KCNIP1: variants seen among roughly 807,000 people sequenced by gnomAD.
KCNIP1 encodes potassium voltage-gated channel interacting protein 1, also known as A-type potassium channel modulatory protein KCNIP1.
Under a neutral mutation model 33.0 loss-of-function variants are expected in KCNIP1, and 18 were observed. The ratio of observed to expected loss-of-function variants is 0.55; its 90% CI spans 0.38 to 0.81. The LOEUF (loss-of-function observed/expected upper bound fraction) is 0.81, where lower values mean the gene tolerates loss of function less well. Among genes scored for constraint, KCNIP1 ranks in the 30% least tolerant of loss-of-function variants. The pLI is 0.00. For missense variants in KCNIP1, 238 were observed against 271.6 expected (o/e 0.88, Z 0.87); for synonymous variants, 93 against 98.3 (o/e 0.95, Z 0.32).
At chr5:170,385,077 A>T (rs774394373) in intron 1 of KCNIP1, among the ~76,000 whole-genome samples, 1 of 152,118 alleles carries the variant, frequency 6.6e-6, no homozygotes, top group Non-Finnish European at 1.5e-5. Flanking sequence ...GTCTGTTACC[A>T]CCACGTCCTA....
chr5:170,393,137 C>T (rs1327706757), intron 1 of KCNIP1, among the ~76,000 whole-genome samples: 2 of 152,156 alleles, frequency 1.3e-5, no homozygotes, highest in African/African-American at 4.8e-5. Flanking sequence ...ACTCCACAGC[C>T]CGTCCCTGCC....
chr5:170,716,363 T>A (rs1238031244), intron 1 of KCNIP1, among the ~76,000 whole-genome samples: 4 of 152,344 alleles, frequency 2.6e-5, no homozygotes, highest in Middle Eastern at 6.8e-3. Context: ...GGTTGTGATT[T>A]AAATTACAAT....
chr5:170,413,115 G>T (rs536855379), intron 1 of KCNIP1, among the ~76,000 whole-genome samples: 16 of 152,340 alleles, frequency 1.1e-4, no homozygotes, highest in African/African-American at 3.8e-4. Flanking sequence ...AAGGAATGAT[G>T]GTGGGTAAAT....
intron 1 of KCNIP1, among the ~76,000 whole-genome samples, chr5:170,439,489 C>CG (rs11431460): frequency 0.38 from 56,512 of 149,404 alleles, 10,817 homozygotes; most frequent in Middle Eastern, 0.41. Flanking sequence ...GGGACGGGGG[C>CG]GGGGGGGTGC....
At chr5:170,529,605 A>C (rs1453678180) in intron 1 of KCNIP1, among the ~76,000 whole-genome samples, 1 of 152,172 alleles carries the variant, frequency 6.6e-6, no homozygotes, top group Non-Finnish European at 1.5e-5. Flanking sequence ...AGCCTGAAGG[A>C]TTATGAGGAG....
intron 1 of KCNIP1, among the ~76,000 whole-genome samples, chr5:170,599,462 C>A (rs898663340): frequency 3.3e-5 from 5 of 152,162 alleles, no homozygotes; most frequent in African/African-American, 1.2e-4. Flanking sequence ...ACCCTTCAGA[C>A]TTACATACCC....
intron 1 of KCNIP1, among the ~76,000 whole-genome samples, chr5:170,666,306 G>A (rs1761699395): frequency 6.6e-6 from 1 of 152,090 alleles, no homozygotes; most frequent in Non-Finnish European, 1.5e-5. Flanking sequence ...GTCATTGAGG[G>A]GTTTGGGTTT....
intron 1 of KCNIP1, among the ~76,000 whole-genome samples, chr5:170,569,407 T>G (rs1757318935): frequency 6.6e-6 from 1 of 152,274 alleles, no homozygotes; most frequent in Non-Finnish European, 1.5e-5. Context: ...GACCTCACTC[T>G]GGGCAGGCCC....
chr5:170,388,247 G>A (rs957770962), intron 1 of KCNIP1, among the ~76,000 whole-genome samples: 5 of 152,204 alleles, frequency 3.3e-5, no homozygotes, highest in Admixed American at 6.5e-5. Context: ...TGCCTGCACT[G>A]AGTGAGTTTA....
chr5:170,536,647 C>T (rs976323828), intron 1 of KCNIP1, among the ~76,000 whole-genome samples: 3 of 152,160 alleles, frequency 2.0e-5, no homozygotes, highest in Admixed American at 6.5e-5. Context: ...CCCACTCTGC[C>T]CCCACACACC....
At chr5:170,729,134 T>C (rs17650638) in intron 5 of KCNIP1, among the ~76,000 whole-genome samples, 43,809 of 151,878 alleles carry the variant, frequency 0.29, 7,779 homozygotes, top group Non-Finnish European at 0.4. Context: ...ACTATAGATA[T>C]GTACAGTTGC....
chr5:170,496,154 C>T lies in KCNIP1; in HGVS notation c.88+142190C>T, dbSNP rs138414960. Reference sequence around the variant, plus strand: ...AGGAGCCGAAGAGGGAAAGACCCTGCGTGCACCCTGGCAGGCTGATAATCA... The same window carrying T: ...AGGAGCCGAAGAGGGAAAGACCCTGTGTGCACCCTGGCAGGCTGATAATCA... On this transcript the variant is annotated intron_variant, in intron 1 of 7. Coordinates refer to the KCNIP1 transcript ENST00000377360. Among the ~76,000 whole-genome samples the T allele has an allele frequency of 1.6e-4, 24 of 152,332 alleles. No individual in the cohort carries two copies. The East Asian group carries it at 3.7e-3, about 23-fold the overall frequency.
chr5:170,434,753 G>A (rs1288430708), intron 1 of KCNIP1, among the ~76,000 whole-genome samples: 2 of 152,154 alleles, frequency 1.3e-5, no homozygotes, highest in Admixed American at 1.3e-4. Flanking sequence ...TCAGGAGTTT[G>A]AGACCAGCCT....
chr5:170,531,470 G>C (rs990303512), intron 1 of KCNIP1, among the ~76,000 whole-genome samples: 1 of 152,168 alleles, frequency 6.6e-6, no homozygotes. Context: ...CAAGACAGAA[G>C]TGCCTACTTC....
intron 1 of KCNIP1, among the ~76,000 whole-genome samples, chr5:170,549,222 T>G (rs1756517567): frequency 6.6e-6 from 1 of 152,210 alleles, no homozygotes; most frequent in African/African-American, 2.4e-5. Flanking sequence ...GTTTCAAGGA[T>G]TAAATTCCTA....
At chr5:170,497,830 T>C (rs916038003) in intron 1 of KCNIP1, among the ~76,000 whole-genome samples, 7 of 152,212 alleles carry the variant, frequency 4.6e-5, no homozygotes, top group African/African-American at 1.7e-4. Flanking sequence ...TTACCGCCAG[T>C]GTCCCAGCTG....
At chr5:170,621,034 G>C (rs1017547701) in intron 1 of KCNIP1, among the ~76,000 whole-genome samples, 1 of 152,146 alleles carries the variant, frequency 6.6e-6, no homozygotes, top group Admixed American at 6.5e-5. Context: ...TGGAGAAAAA[G>C]CAAGATAGGC....
intron 1 of KCNIP1, among the ~76,000 whole-genome samples, chr5:170,693,909 G>A (rs1423121460): frequency 6.6e-6 from 1 of 152,170 alleles, no homozygotes; most frequent in African/African-American, 2.4e-5. Context: ...GGCCTTCATG[G>A]GTGTGGCCTT....
intron 1 of KCNIP1, chr5:170,422,102 T>C (rs1287681445): frequency 6.6e-6 from 1 of 152,188 alleles, no homozygotes; most frequent in African/African-American, 2.4e-5. Context: ...TAAACACAGA[T>C]GTGACTTGTG....
Sources: allele counts gnomAD v4.1 joint callset (sites outside exome capture counted in the v4.1 genomes callset), GRCh38; gene constraint gnomAD v4.1.1; transcripts MANE v1.5; gene names NCBI Gene and HGNC (gene_info 2026-07-23, HGNC 2026-07-21).